TRAK1: variants seen among roughly 807,000 people sequenced by gnomAD.
TRAK1 encodes trafficking kinesin-binding protein 1.
Under a neutral mutation model 92.1 loss-of-function variants are expected in TRAK1, and 33 were observed. The observed-to-expected ratio is 0.36, with a 90% CI of 0.27 to 0.48. The LOEUF is 0.48. Among genes scored for constraint, TRAK1 ranks in the 20% least tolerant of loss-of-function variants. TRAK1 has a pLI of 0.99. For missense variants in TRAK1, 1,123 were observed against 1,257.9 expected (o/e 0.89, Z 1.62); for synonymous variants, 521 against 517.3 (o/e 1.01, Z -0.10).
At chr3:42,106,190 G>A (rs1403646718) in intron 1 of TRAK1, among the ~76,000 whole-genome samples, 1 of 152,154 alleles carries the variant, frequency 6.6e-6, no homozygotes, top group Non-Finnish European at 1.5e-5. Context: ...AAATGTAAAT[G>A]GCCTAAATGC....
At chr3:42,121,403 G>T (rs1238089157) in intron 1 of TRAK1, among the ~76,000 whole-genome samples, 2 of 152,200 alleles carry the variant, frequency 1.3e-5, no homozygotes, top group Admixed American at 1.3e-4. Context: ...GGGACTACAG[G>T]CGCCCACCAC....
intron 2 of TRAK1, among the ~76,000 whole-genome samples, chr3:42,168,604 CAG>C (rs1217112344): frequency 5.3e-5 from 8 of 151,924 alleles, no homozygotes; most frequent in African/African-American, 1.7e-4. Flanking sequence ...TTTTTTGAGA[CAG>C]AGTCTTCACT....
intron 1 of TRAK1, among the ~76,000 whole-genome samples, chr3:42,038,410 A>G (rs1702403718): frequency 6.6e-6 from 1 of 152,176 alleles, no homozygotes; most frequent in African/African-American, 2.4e-5. Flanking sequence ...CTGTAACCTC[A>G]ACCTCTCTGG....
At position 42,202,784 on chromosome 3, in the gene TRAK1, C is replaced by G. The variant is rs775665363; in HGVS notation, c.1744+32C>G. On this transcript the variant is annotated intron_variant, in intron 13 of 15. Coordinates refer to ENST00000327628, the MANE Select transcript of TRAK1 (RefSeq NM_001042646.3). This position sits in a 1 kb window ranked among gnomAD's most constrained non-coding sequence, Gnocchi z 6.1. ...ACGCGGGGCCTCGGCCCCTCTCTGT[C>G]CTCCTGGGGGACTCCCTTTGGTCCC... is the stretch of plus-strand genomic sequence containing the variant. 1 of 1,610,736 alleles carries G rather than the reference C, an allele frequency of 6.2e-7. No homozygotes were observed. The highest frequency in any genetic ancestry group is 8.5e-7 in the Non-Finnish European group (1 of 1,177,688).
At position 42,058,577 on chromosome 3, in the gene TRAK1, T is replaced by TG. The variant is rs559635973; in HGVS notation, c.-518-28525dup. Among the ~76,000 whole-genome samples the TG allele has an allele frequency of 1.4e-3, 212 of 152,276 alleles. 1 individual carries two copies. Among genetic ancestry groups the TG allele is most frequent in the African/African-American group, 5.1e-3 (211 of 41,566 alleles). ...TGGTCTGGTCTTGAACACCTGACCT[T>TG]GGACGATCTGCCTGCCTCGGCCTCT... On this transcript the variant is annotated intron_variant, in intron 1 of 16. Transcript: ENST00000487159.
chr3:42,200,906 G>A lies in TRAK1; in HGVS notation c.1279G>A (p.Gly427Ser), dbSNP rs1559375462. ...SLTPSPMNIP[G>S]SNQSSAMNSL... ...GACCCCTTCTCCCATGAACATCCCC[G>A]GCTCCAACCAGTCCTCGGCCATGAA... The change falls in exon 12 of 16, where the codon GGC becomes AGC. Residue 427 changes from glycine to serine, a missense_variant. This residue lies in a region of TRAK1 where 686 missense variants were observed against 747.6 expected (regional missense o/e 0.92). Coordinates refer to ENST00000327628, the MANE Select transcript of TRAK1 (RefSeq NM_001042646.3). The A allele has an allele frequency of 3.1e-6, 5 of 1,614,094 alleles. No homozygotes were observed. Among genetic ancestry groups the A allele is most frequent in the South Asian group, 1.1e-5 (1 of 91,068 alleles).
upstream of TRAK1, among the ~76,000 whole-genome samples, chr3:42,082,709 T>C (rs1704495950): frequency 6.6e-6 from 1 of 152,172 alleles, no homozygotes; most frequent in Non-Finnish European, 1.5e-5. Flanking sequence ...GAAACTGTCT[T>C]AGTTTTCAGA....
intron 2 of TRAK1, among the ~76,000 whole-genome samples, chr3:42,152,768 T>A (rs1700098425): frequency 6.6e-6 from 1 of 152,234 alleles, no homozygotes; most frequent in African/African-American, 2.4e-5. Flanking sequence ...TCAAAAGGAC[T>A]TGGGTTCAGT....
At chr3:42,146,016 C>A (rs1310798175) in intron 2 of TRAK1, 5 of 382,152 alleles carry the variant, frequency 1.3e-5, no homozygotes, top group African/African-American at 8.6e-5. Flanking sequence ...CTCTGAAGAA[C>A]TCTTAAATAC....
chr3:42,220,344 C>T (rs1710217730), intron 15 of TRAK1, among the ~76,000 whole-genome samples: 1 of 152,148 alleles, frequency 6.6e-6, no homozygotes, highest in African/African-American at 2.4e-5. Context: ...TTCACTGCTG[C>T]CAGCAAAAGA....
In TRAK1 at chr3:42,223,746, G is replaced by T. The variant is rs764568576; in HGVS notation, c.*9G>T. On this transcript the variant is annotated 3_prime_UTR_variant, in exon 16 of 16. Coordinates refer to ENST00000327628, the MANE Select transcript of TRAK1 (RefSeq NM_001042646.3). The surrounding 1 kb of genome is among the most constrained non-coding windows in gnomAD (Gnocchi z 6.1). The stretch of plus-strand genomic sequence containing the variant: ...AAACTAGCTTACGGTGAGGACTGGA[G>T]GGGGGCCGGTTGCCCTAGAGGAGAC... 9.4e-6 allele frequency: 15 copies of T among 1,593,550 alleles called. No homozygotes were observed. In the Admixed American group the frequency reaches 1.2e-4, roughly 13 times the overall value.
chr3:42,218,635 G>A, intron 14 of TRAK1: 4 of 985,126 alleles, frequency 4.1e-6, no homozygotes, highest in Non-Finnish European at 4.8e-6. Context: ...CTCATGCATG[G>A]TCCTAACACT....
Position 42,195,416 on chromosome 3 carries a change from G to T in TRAK1, c.1113+475G>T, listed in dbSNP as rs545288257. Among the ~76,000 whole-genome samples, 161 of 152,326 alleles carry T rather than the reference G, an allele frequency of 1.1e-3. 1 individual carries two copies. The highest frequency in any genetic ancestry group is 2.0e-3 in the Non-Finnish European group (136 of 68,032). Reference sequence around the variant, plus strand: ...TGTGTATTCCAGCTCTATTTCCATGGTTTGATGAAATGCTAAATGCTCTCT... The same window carrying T: ...TGTGTATTCCAGCTCTATTTCCATGTTTTGATGAAATGCTAAATGCTCTCT... On this transcript the variant is annotated intron_variant, in intron 10 of 15. Transcript: ENST00000327628.
chr3:42,213,663 T>C (rs1709343463), intron 14 of TRAK1, among the ~76,000 whole-genome samples: 1 of 152,202 alleles, frequency 6.6e-6, no homozygotes, highest in Non-Finnish European at 1.5e-5. Flanking sequence ...CTGTCCCCTC[T>C]TCAGTACACC....
chr3:42,086,430 T>G (rs889683818), upstream of TRAK1, among the ~76,000 whole-genome samples: 1 of 151,534 alleles, frequency 6.6e-6, no homozygotes, highest in Non-Finnish European at 1.5e-5. Context: ...CTCAACCTCC[T>G]GAGTAACTGG....
chr3:42,208,679 G>A (rs1490359134), intron 13 of TRAK1, among the ~76,000 whole-genome samples: 2 of 152,226 alleles, frequency 1.3e-5, no homozygotes, highest in African/African-American at 4.8e-5. Context: ...TTCGGTGCCC[G>A]AGAACCTCTT....
intron 2 of TRAK1, among the ~76,000 whole-genome samples, chr3:42,140,370 C>G (rs1698493172): frequency 6.6e-6 from 1 of 152,210 alleles, no homozygotes; most frequent in East Asian, 1.9e-4. Flanking sequence ...TGGCTCATGC[C>G]TGTAATCCCA....
chr3:42,068,086 G>A (rs1312722183), intron 1 of TRAK1, among the ~76,000 whole-genome samples: 1 of 151,754 alleles, frequency 6.6e-6, no homozygotes, highest in East Asian at 1.9e-4. Flanking sequence ...TTGAACCTGG[G>A]AGGCGGAGGT....
At chr3:42,048,242 G>T (rs1559721393) in intron 1 of TRAK1, among the ~76,000 whole-genome samples, 1 of 152,044 alleles carries the variant, frequency 6.6e-6, no homozygotes, top group Non-Finnish European at 1.5e-5. Flanking sequence ...AACCTGTAGA[G>T]TTTACCACGG....
Sources: gnomAD v4.1 joint callset for allele counts (sites outside exome capture counted in the v4.1 genomes callset) on GRCh38, gnomAD v4.1.1 for gene constraint, gnomAD v4.1.1 regional missense constraint, Gnocchi (gnomAD v3.1) non-coding constraint, MANE v1.5 for transcripts, NCBI Gene and HGNC (gene_info 2026-07-23, HGNC 2026-07-21) for gene names.